Variants in PRKCZ observed in about 807,000 individuals in gnomAD.
PRKCZ encodes the protein protein kinase C zeta type.
PRKCZ carries 33 observed loss-of-function variants against 79.5 expected under a neutral mutation model. That is an observed-to-expected ratio of 0.41 (90% CI 0.31 to 0.55). PRKCZ has a LOEUF of 0.55. Ranked by LOEUF, PRKCZ falls within the 20% of genes least tolerant of loss-of-function variation. The pLI, the probability that PRKCZ is intolerant of heterozygous loss-of-function variation, is 0.19. For missense variants in PRKCZ, 578 were observed against 813.5 expected (o/e 0.71, Z 3.52); for synonymous variants, 342 against 320.9 (o/e 1.07, Z -0.70).
intron 4 of PRKCZ, among the ~76,000 whole-genome samples, chr1:2,124,806 G>T (rs1334159233): frequency 2.0e-5 from 3 of 151,986 alleles, no homozygotes; most frequent in Non-Finnish European, 4.4e-5. Flanking sequence ...CAGGGCTTGG[G>T]TGGCGCATCT....
intron 1 of PRKCZ, among the ~76,000 whole-genome samples, chr1:2,052,374 C>T (rs937442954): frequency 9.9e-5 from 15 of 151,408 alleles, no homozygotes; most frequent in African/African-American, 3.6e-4. Flanking sequence ...ACCAGGCTCC[C>T]ACCCCTTCCT....
chr1:2,147,909 G>A (rs555536689), intron 7 of PRKCZ, among the ~76,000 whole-genome samples: 108 of 144,698 alleles, frequency 7.5e-4, no homozygotes, highest in African/African-American at 2.4e-3. Flanking sequence ...CCATCTTTCC[G>A]TCTGTTGTCC....
rs532171132 is a variant in PRKCZ, at chr1:2,082,726, G to T, written c.334+23135G>T. 2.6e-5 allele frequency among the ~76,000 whole-genome samples: 4 copies of T among 151,680 alleles called. 1 individual carries two copies. In the South Asian group the frequency reaches 8.4e-4, roughly 32 times the overall value. Reference sequence around the variant, plus strand: ...CTCCCCTGGAGATGGGATGTCAGGAGACCTGGTTCCATTTGTTTTTTTGCC... The same window carrying T: ...CTCCCCTGGAGATGGGATGTCAGGATACCTGGTTCCATTTGTTTTTTTGCC... On this transcript the variant is annotated intron_variant, in intron 4 of 17. Coordinates refer to ENST00000378567, the MANE Select transcript of PRKCZ (RefSeq NM_002744.6). The surrounding 1 kb of genome is among the most constrained non-coding windows in gnomAD (Gnocchi z 4.4).
intron 4 of PRKCZ, among the ~76,000 whole-genome samples, chr1:2,084,155 A>T (rs966497748): frequency 7.2e-5 from 11 of 152,176 alleles, no homozygotes; most frequent in Non-Finnish European, 1.5e-4. Flanking sequence ...CACGAGAATC[A>T]CTTGGACCTG....
rs1038100212 is a variant in PRKCZ, at chr1:2,177,333, C to T, written c.1575+2020C>T. ...CCGCTCCCAGCCACCTCCCCTCGCC[C>T]GTCTCAGCTCAGTCTCCCCCGTGCC... On this transcript the variant is annotated intron_variant, in intron 16 of 17. Transcript: ENST00000378567. The surrounding 1 kb of genome is among the most constrained non-coding windows in gnomAD (Gnocchi z 6.4). 1.3e-4 allele frequency among the ~76,000 whole-genome samples: 20 copies of T among 152,158 alleles called. No homozygotes were observed. The highest frequency in any genetic ancestry group is 4.3e-4 in the African/African-American group (18 of 41,440).
intron 4 of PRKCZ, among the ~76,000 whole-genome samples, chr1:2,097,079 A>C (rs1368627700): frequency 1.3e-5 from 2 of 152,194 alleles, no homozygotes; most frequent in Non-Finnish European, 2.9e-5. Flanking sequence ...CATTCTTCAG[A>C]GGCTTCATCG....
At chr1:2,184,532 G>A (rs997633526) in intron 16 of PRKCZ, 51 bp from the exon 17 acceptor site, 2 of 1,401,162 alleles carry the variant, frequency 1.4e-6, no homozygotes. Flanking sequence ...ACTCAATCTG[G>A]TAGGGATGAT....
intron 4 of PRKCZ, among the ~76,000 whole-genome samples, chr1:2,077,542 G>A (rs552420703): frequency 1.3e-5 from 2 of 152,320 alleles, no homozygotes; most frequent in East Asian, 3.9e-4. Flanking sequence ...TGTTGCCCTT[G>A]TTAAATGGTT....
chr1:2,180,340 C>T (rs575326109), intron 16 of PRKCZ, among the ~76,000 whole-genome samples: 1 of 152,312 alleles, frequency 6.6e-6, no homozygotes, highest in East Asian at 1.9e-4. Flanking sequence ...GATGCACAGA[C>T]GCCCGGACGA....
chr1:2,157,304 G>A (rs568240493), intron 10 of PRKCZ, among the ~76,000 whole-genome samples: 48 of 152,298 alleles, frequency 3.2e-4, no homozygotes, highest in Middle Eastern at 3.4e-3. Flanking sequence ...AGGGCGTCCC[G>A]TGCCCAGTCA....
chr1:2,050,945 C>T (rs986330106), intron 1 of PRKCZ: 1 of 370,696 alleles, frequency 2.7e-6, no homozygotes. Flanking sequence ...CCGCGAGCTC[C>T]TCGGCCCGGT....
At position 2,055,469 on chromosome 1, in the gene PRKCZ, G is replaced by A. The variant is rs778012886; in HGVS notation, c.100G>A (p.Ala34Thr). ...GDIFITSVDA[A>T]TTFEELCEEV... Reference sequence around the variant, plus strand: ...CATCTTCATCACCAGCGTGGACGCCGCCACGACCTTCGAGGAGCTCTGTGA... The same window carrying A: ...CATCTTCATCACCAGCGTGGACGCCACCACGACCTTCGAGGAGCTCTGTGA... Residue 34 changes from alanine to threonine, a missense_variant, in exon 2 of 18, where the codon GCC becomes ACC. By Grantham distance (58) the Ala-to-Thr change is moderately conservative (BLOSUM62 0). This residue lies in a region of PRKCZ where 228 missense variants were observed against 211.6 expected (regional missense o/e 1.08). Coordinates refer to ENST00000378567, the MANE Select transcript of PRKCZ (RefSeq NM_002744.6). 27 of 1,613,648 alleles carry A rather than the reference G, an allele frequency of 1.7e-5. No individual in the cohort carries two copies. The highest frequency in any genetic ancestry group is 4.5e-5 in the East Asian group (2 of 44,858).
At chr1:2,080,490 A>C (rs1332240815) in intron 4 of PRKCZ, among the ~76,000 whole-genome samples, 2 of 152,096 alleles carry the variant, frequency 1.3e-5, no homozygotes, top group Non-Finnish European at 2.9e-5. Context: ...ACCTGGGGGC[A>C]GTTTTCAAAT....
Position 2,168,056 on chromosome 1 carries a change from C to G in PRKCZ, c.975-1462C>G, listed in dbSNP as rs147929296. Reference sequence around the variant, plus strand: ...AGTCCCTCCACGGGTGCACTGAGGACGTTCCTGCACATCGAGGGCACCCTC... The same window carrying G: ...AGTCCCTCCACGGGTGCACTGAGGAGGTTCCTGCACATCGAGGGCACCCTC... On this transcript the variant is annotated intron_variant, in intron 10 of 17. Transcript: ENST00000378567. This position sits in a 1 kb window ranked among gnomAD's most constrained non-coding sequence, Gnocchi z 4.7. Among the ~76,000 whole-genome samples, 1 of 152,154 alleles carries G rather than the reference C, an allele frequency of 6.6e-6. No homozygotes were observed. The highest frequency in any genetic ancestry group is 1.5e-5 in the Non-Finnish European group (1 of 68,022).
At chr1:2,083,695 C>G (rs534823302) in intron 4 of PRKCZ, among the ~76,000 whole-genome samples, 18 of 151,822 alleles carry the variant, frequency 1.2e-4, no homozygotes, top group African/African-American at 2.9e-4. Flanking sequence ...TCCAGTGTGT[C>G]AGGAGGCTTG....
chr1:2,085,224 T>G (rs1664274548), intron 4 of PRKCZ, among the ~76,000 whole-genome samples: 1 of 152,192 alleles, frequency 6.6e-6, no homozygotes, highest in African/African-American at 2.4e-5. Flanking sequence ...TCTCTGAAAC[T>G]TCAGCAACTT....
chr1:2,157,298 C>T (rs548497091), intron 10 of PRKCZ, among the ~76,000 whole-genome samples: 3 of 152,308 alleles, frequency 2.0e-5, no homozygotes, highest in East Asian at 1.9e-4. Flanking sequence ...GCTACTAGGG[C>T]GTCCCGTGCC....
Position 2,125,710 on chromosome 1 carries a change from T to C in PRKCZ, c.335-9552T>C, listed in dbSNP as rs934942697. ...GTGAGTCTGATTATTCGAAGGAGGCTGGAGTGTGGGCGGAGGGCAGCGCCA... is the reference window on the plus strand; with the variant it reads ...GTGAGTCTGATTATTCGAAGGAGGCCGGAGTGTGGGCGGAGGGCAGCGCCA... On this transcript the variant is annotated intron_variant, in intron 4 of 17. Coordinates refer to ENST00000378567, the MANE Select transcript of PRKCZ (RefSeq NM_002744.6). The surrounding 1 kb of genome is among the most constrained non-coding windows in gnomAD (Gnocchi z 4.2). 1.3e-5 allele frequency among the ~76,000 whole-genome samples: 2 copies of C among 152,224 alleles called. No homozygotes were observed. The highest frequency in any genetic ancestry group is 2.9e-5 in the Non-Finnish European group (2 of 68,028).
At chr1:2,104,983 C>A in intron 4 of PRKCZ, 4 of 951,968 alleles carry the variant, frequency 4.2e-6, no homozygotes, top group South Asian at 9.7e-5. Context: ...CCGACAGCCA[C>A]CCTGGCTTGT....
Sources: allele counts gnomAD v4.1 joint callset (sites outside exome capture counted in the v4.1 genomes callset), GRCh38; gene constraint gnomAD v4.1.1; regional missense constraint gnomAD v4.1.1; non-coding constraint Gnocchi (gnomAD v3.1); transcripts MANE v1.5; gene names NCBI Gene and HGNC (gene_info 2026-07-23, HGNC 2026-07-21).